BTBD9: variants seen among roughly 807,000 people sequenced by gnomAD.
BTBD9 encodes the protein BTB domain containing 9.
BTBD9 carries 49 observed loss-of-function variants against 64.3 expected under a neutral mutation model. That is an observed-to-expected ratio of 0.76 (90% confidence interval 0.61 to 0.97). The LOEUF (loss-of-function observed/expected upper bound fraction) is 0.97, where lower values mean the gene tolerates loss of function less well. Among genes scored for constraint, BTBD9 ranks in the 50% least tolerant of loss-of-function variants. The pLI is 0.00. For missense variants in BTBD9, 598 were observed against 762.1 expected, an observed-to-expected ratio of 0.78 and a Z score of 2.53; for synonymous variants, 260 against 274.7, an observed-to-expected ratio of 0.95 and a Z score of 0.53.
chr6:38,313,975 A>AG (rs1404525023), intron 7 of BTBD9, among the ~76,000 whole-genome samples: 1 of 151,622 alleles, frequency 6.6e-6, no homozygotes, highest in Non-Finnish European at 1.5e-5. Flanking sequence ...TCCTGACCTC[A>AG]GGTGATCCAC....
intron 10 of BTBD9, among the ~76,000 whole-genome samples, chr6:38,181,920 G>A (rs1418598368): frequency 1.3e-5 from 2 of 152,128 alleles, no homozygotes; most frequent in South Asian, 2.1e-4. Context: ...CGTGGGAGGC[G>A]GAAGTTGCAG....
intron 6 of BTBD9, among the ~76,000 whole-genome samples, chr6:38,379,510 G>A (rs1439664185): frequency 6.6e-6 from 1 of 152,148 alleles, no homozygotes; most frequent in Non-Finnish European, 1.5e-5. Context: ...TGGGAGACAG[G>A]CAAAGAGAAT....
chr6:38,220,828 A>G (rs1356317461), intron 9 of BTBD9, among the ~76,000 whole-genome samples: 1 of 152,206 alleles, frequency 6.6e-6, no homozygotes, highest in East Asian at 1.9e-4. Flanking sequence ...TTGGGACACT[A>G]CCAGGCCTGG....
chr6:38,223,703 C>T (rs986479053), intron 9 of BTBD9, among the ~76,000 whole-genome samples: 1 of 152,120 alleles, frequency 6.6e-6, no homozygotes, highest in African/African-American at 2.4e-5. Flanking sequence ...ACGGCTCTGC[C>T]CTCACGCTGT....
intron 6 of BTBD9, among the ~76,000 whole-genome samples, chr6:38,365,758 CAA>C (rs34375597): frequency 0.29 from 33,361 of 115,544 alleles, 3,893 homozygotes; most frequent in East Asian, 0.51. Flanking sequence ...GATCCTGACT[CAA>C]AAAAAAAAAA....
chr6:38,176,608 T>C (rs1761263039), intron 10 of BTBD9, among the ~76,000 whole-genome samples: 1 of 152,136 alleles, frequency 6.6e-6, no homozygotes. Flanking sequence ...AAAATCTCCT[T>C]CTGTGGGTCC....
At chr6:38,513,212 T>C (rs976498661) in intron 6 of BTBD9, among the ~76,000 whole-genome samples, 7 of 152,110 alleles carry the variant, frequency 4.6e-5, no homozygotes, top group African/African-American at 1.7e-4. Context: ...TCCTATCACT[T>C]TGGGAGGCCG....
At chr6:38,195,017 C>A (rs573948779) in intron 9 of BTBD9, among the ~76,000 whole-genome samples, 1 of 152,334 alleles carries the variant, frequency 6.6e-6, no homozygotes, top group African/African-American at 2.4e-5. Context: ...TATATGATTT[C>A]ATTTTCAGCA....
At chr6:38,467,905 G>A (rs776988482) in intron 6 of BTBD9, among the ~76,000 whole-genome samples, 24 of 151,928 alleles carry the variant, frequency 1.6e-4, no homozygotes, top group African/African-American at 4.6e-4. Context: ...TCAGTGCCTC[G>A]TTATCATAGC....
At chr6:38,440,124 T>C (rs945776419) in intron 6 of BTBD9, among the ~76,000 whole-genome samples, 1 of 152,158 alleles carries the variant, frequency 6.6e-6, no homozygotes, top group Admixed American at 6.5e-5. Flanking sequence ...AAGCTGGATA[T>C]ATAGATTTGG....
chr6:38,532,445 T>C (rs1426122499), intron 6 of BTBD9, among the ~76,000 whole-genome samples: 1 of 152,172 alleles, frequency 6.6e-6, no homozygotes, highest in East Asian at 1.9e-4. Context: ...AGTGACCTAC[T>C]GAGACACCAG....
chr6:38,330,925 T>C (rs1763652221), intron 7 of BTBD9, among the ~76,000 whole-genome samples: 2 of 151,966 alleles, frequency 1.3e-5, no homozygotes, highest in South Asian at 2.1e-4. Flanking sequence ...ACCCCAACAA[T>C]AACAAAAAAA....
intron 6 of BTBD9, among the ~76,000 whole-genome samples, chr6:38,468,065 A>G (rs1302616557): frequency 6.6e-6 from 1 of 151,984 alleles, no homozygotes; most frequent in Non-Finnish European, 1.5e-5. Context: ...CCTTCATTCT[A>G]ATCTATTTTA....
chr6:38,488,873 C>T (rs1771573001), intron 6 of BTBD9, among the ~76,000 whole-genome samples: 2 of 147,484 alleles, frequency 1.4e-5, no homozygotes, highest in South Asian at 4.3e-4. Flanking sequence ...ATATTTTCAA[C>T]ATTTTATTAT....
At chr6:38,521,831 T>C (rs1181156802) in intron 6 of BTBD9, among the ~76,000 whole-genome samples, 4 of 152,074 alleles carry the variant, frequency 2.6e-5, no homozygotes, top group African/African-American at 9.7e-5. Context: ...CCTGCCACCA[T>C]GCTTGGCTAA....
At chr6:38,589,897 C>A (rs1051729200) in intron 4 of BTBD9, among the ~76,000 whole-genome samples, 1 of 152,226 alleles carries the variant, frequency 6.6e-6, no homozygotes, top group South Asian at 2.1e-4. Context: ...CTTCTTCCTT[C>A]TCTACCTTAA....
At chr6:38,387,705 C>T (rs1488731127) in intron 6 of BTBD9, among the ~76,000 whole-genome samples, 1 of 152,000 alleles carries the variant, frequency 6.6e-6, no homozygotes, top group African/African-American at 2.4e-5. Flanking sequence ...CTGCAAGAAA[C>T]CTTCTAAAAG....
chr6:38,178,668 G>T (rs1299990850), intron 10 of BTBD9, among the ~76,000 whole-genome samples: 7 of 136,746 alleles, frequency 5.1e-5, no homozygotes, highest in Non-Finnish European at 1.1e-4. Flanking sequence ...TGGTGTGGAA[G>T]AAAAACAGGA....
intron 6 of BTBD9, among the ~76,000 whole-genome samples, chr6:38,483,205 C>T (rs1224100558): frequency 6.6e-6 from 1 of 152,056 alleles, no homozygotes; most frequent in Non-Finnish European, 1.5e-5. Flanking sequence ...CCTATTCCCT[C>T]AGCCTCTATT....
Sources: gnomAD v4.1 joint callset for allele counts (sites outside exome capture counted in the v4.1 genomes callset) on GRCh38, gnomAD v4.1.1 for gene constraint, MANE v1.5 for transcripts, NCBI Gene and HGNC (gene_info 2026-07-23, HGNC 2026-07-21) for gene names.